Variants in THRA observed in about 807,000 individuals in gnomAD.
THRA encodes thyroid hormone receptor alpha, also known as EAR-7.
THRA carries 13 observed loss-of-function variants against 45.0 expected under a neutral mutation model. The observed-to-expected ratio is 0.29, with a 90% CI of 0.19 to 0.46. The LOEUF (loss-of-function observed/expected upper bound fraction) is 0.46. Ranked by LOEUF, THRA falls within the 20% of genes least tolerant of loss-of-function variation. The pLI, the probability that THRA is intolerant of heterozygous loss-of-function variation, is 1.00. For missense variants in THRA, 278 were observed against 556.1 expected, an observed-to-expected ratio of 0.50 and a Z score of 5.03; for synonymous variants, 195 against 214.0, an observed-to-expected ratio of 0.91 and a Z score of 0.78.
At chr17:40,062,248 G>C (rs1986382490), upstream of THRA, 2 of 152,242 alleles carry the variant, frequency 1.3e-5, no homozygotes, top group Admixed American at 1.3e-4. Context: ...CCTATATGGA[G>C]AAGGGTGACG....
chr17:40,062,956 C>T (rs1353010291), upstream of THRA: 6 of 150,796 alleles, frequency 4.0e-5, no homozygotes, highest in South Asian at 2.1e-4. Flanking sequence ...CCCCGCCCCC[C>T]CCGCGCTCAC....
downstream of THRA, chr17:40,093,173 G>A: frequency 6.2e-7 from 1 of 1,614,008 alleles, no homozygotes; most frequent in Non-Finnish European, 8.5e-7. The surrounding 1 kb of genome is among the most constrained non-coding windows in gnomAD (Gnocchi z 5.9). Context: ...GCAGCTTGGT[G>A]AAGCGGGAAG....
In THRA at chr17:40,089,629, C is replaced by G; in HGVS notation, c.*173C>G. 1 of 1,433,862 alleles carries G rather than the reference C, an allele frequency of 7.0e-7. No individual in the cohort carries two copies. Among genetic ancestry groups the G allele is most frequent in the Non-Finnish European group, 9.1e-7 (1 of 1,098,758 alleles). The allele number at this position is 1,433,862 out of a possible 1,614,324, so 88.8% of individuals were successfully genotyped here. On this transcript the variant is annotated 3_prime_UTR_variant, in exon 9 of 9. Coordinates refer to ENST00000450525, the MANE Select transcript of THRA (RefSeq NM_199334.5). This position sits in a 1 kb window ranked among gnomAD's most constrained non-coding sequence, Gnocchi z 6.1. ...ACTGCCCAGGTCCCTCCTCAGACCT[C>G]CAGCCCTGGGACAGGGCAAACAACT... is the stretch of plus-strand genomic sequence containing the variant.
chr17:40,078,135 A>G (rs1203363198), intron 4 of THRA, among the ~76,000 whole-genome samples: 1 of 152,180 alleles, frequency 6.6e-6, no homozygotes, highest in Admixed American at 6.5e-5. Flanking sequence ...TCTACCTTAT[A>G]GCATTGTTGG....
chr17:40,089,663 T>C lies in THRA; in HGVS notation c.*207T>C, dbSNP rs1987463188. The C allele has an allele frequency of 2.1e-6, 3 of 1,413,830 alleles. No individual in the cohort carries two copies. The highest frequency in any genetic ancestry group is 1.8e-6 in the Non-Finnish European group (2 of 1,085,986). 87.6% of individuals were successfully genotyped at this position (1,413,830 alleles called of 1,614,324 possible). A position where few individuals can be genotyped will look rare whatever the true frequency, so the allele number is the denominator to read the frequency against. ...GGACAGGGCAAACAACTGAACTTGC[T>C]ATGGAAAGGACAGTGTGGGAGGCTG... On this transcript the variant is annotated 3_prime_UTR_variant, in exon 9 of 9. Transcript: ENST00000450525. This position sits in a 1 kb window ranked among gnomAD's most constrained non-coding sequence, Gnocchi z 6.1.
chr17:40,072,071 G>T, intron 1 of THRA: 1 of 152,558 alleles, frequency 6.6e-6, no homozygotes, highest in Non-Finnish European at 1.5e-5. Context: ...GCACGTGCAG[G>T]CCCTTGGCAG....
At position 40,089,315 on chromosome 17, in the gene THRA, G is replaced by T; in HGVS notation, c.1092G>T (p.Trp364Cys). 6.2e-7 allele frequency: 1 copy of T among 1,614,082 alleles called. No individual in the cohort carries two copies. Among genetic ancestry groups the T allele is most frequent in the Non-Finnish European group, 8.5e-7 (1 of 1,180,018 alleles). Residue 364 changes from tryptophan to cysteine, a missense_variant, in exon 9 of 9, where the codon TGG (tryptophan) becomes TGT (cysteine). Physicochemically the swap from Trp to Cys is radical, Grantham distance 215 (BLOSUM62 -2). Transcript: ENST00000450525. This position sits in a 1 kb window ranked among gnomAD's most constrained non-coding sequence, Gnocchi z 6.1. ...GCAAACACAACATTCCGCACTTCTG[G>T]CCCAAGCTGCTGATGAAGGTGACTG... ...NHRKHNIPHFWPKLLMKVTDL... is the reference protein window; with the variant it reads ...NHRKHNIPHFCPKLLMKVTDL...
In THRA at chr17:40,089,161, G is replaced by T; in HGVS notation, c.983-45G>T. The T allele has an allele frequency of 6.3e-7, 1 of 1,591,932 alleles. No individual in the cohort carries two copies. Among genetic ancestry groups the T allele is most frequent in the East Asian group, 2.2e-5 (1 of 44,576 alleles). On this transcript the variant is annotated intron_variant, in intron 8 of 8. Transcript: ENST00000450525. This position sits in a 1 kb window ranked among gnomAD's most constrained non-coding sequence, Gnocchi z 6.1. ...CACACCTCACCCTCCCCATCTCCAG[G>T]CCTTCGGCCAGCCCCTCGCCCCTCA...
chr17:40,083,968 G>A lies in THRA; in HGVS notation c.356G>A (p.Gly119Asp). Residue 119 changes from glycine to aspartate, a missense_variant, in exon 5 of 9, where the codon GGC becomes GAC. Physicochemically the swap from Gly to Asp is moderately conservative, Grantham distance 94 (BLOSUM62 -1). This residue lies in a region of THRA where 111 missense variants were observed against 167.1 expected (regional missense o/e 0.66). Transcript: ENST00000450525. ...LCRFKKCIAV[G>D]MAMDLVLDDS... ...CGCTTCAAGAAGTGCATCGCCGTGGGCATGGCCATGGACTGTAAGGGGCCC... is the reference window on the plus strand; with the variant it reads ...CGCTTCAAGAAGTGCATCGCCGTGGACATGGCCATGGACTGTAAGGGGCCC... 2 of 1,613,234 alleles carry A rather than the reference G, an allele frequency of 1.2e-6. No homozygotes were observed. The highest frequency in any genetic ancestry group is 1.7e-6 in the Non-Finnish European group (2 of 1,179,506).
rs557486645 is a variant in THRA, at chr17:40,070,062, C to A, written c.-297-4130C>A. ...GATCCTTTGTTTAAGTAACCAATCT[C>A]CCCCTTATGAGGATCCCCACCCCAT... On this transcript the variant is annotated intron_variant, in intron 1 of 8. Transcript: ENST00000450525. Among the ~76,000 whole-genome samples the A allele has an allele frequency of 2.4e-4, 36 of 152,106 alleles. No individual in the cohort carries two copies. The South Asian group carries it at 3.7e-3, about 16-fold the overall frequency.
At chr17:40,071,699 G>A (rs1454398542) in intron 1 of THRA, among the ~76,000 whole-genome samples, 1 of 152,210 alleles carries the variant, frequency 6.6e-6, no homozygotes, top group African/African-American at 2.4e-5. Context: ...GAGGAGGGGT[G>A]AGAGGCTGCC....
chr17:40,065,126 G>A lies in THRA; in HGVS notation c.-298+2034G>A, dbSNP rs147019138. Among the ~76,000 whole-genome samples, 874 of 151,988 alleles carry A rather than the reference G, an allele frequency of 5.8e-3. 9 individuals are homozygous for A. The highest frequency in any genetic ancestry group is 0.02 in the African/African-American group (849 of 41,420). ...GGGTTCAGGGGGGTTCCAGAGGGCCGAGTCATGGGCTCAAAGCAGTGTCCA... is the reference window on the plus strand; with the variant it reads ...GGGTTCAGGGGGGTTCCAGAGGGCCAAGTCATGGGCTCAAAGCAGTGTCCA... On this transcript the variant is annotated intron_variant, in intron 1 of 8. Transcript: ENST00000450525.
intron 1 of THRA, among the ~76,000 whole-genome samples, chr17:40,073,516 C>T (rs1986848489): frequency 6.6e-6 from 1 of 152,142 alleles, no homozygotes; most frequent in African/African-American, 2.4e-5. Context: ...CTTTCCTTTC[C>T]CCCTTGCCAT....
intron 2 of THRA, 63 bp downstream of exon 2, chr17:40,074,604 G>A (rs1986886518): frequency 1.3e-6 from 2 of 1,589,590 alleles, no homozygotes; most frequent in Non-Finnish European, 1.7e-6. Context: ...ACCTGGCTGA[G>A]CTCTCCTTTA....
downstream of THRA, chr17:40,093,262 A>C (rs749240897): frequency 1.2e-6 from 2 of 1,613,692 alleles, no homozygotes; most frequent in Non-Finnish European, 1.7e-6. This position sits in a 1 kb window ranked among gnomAD's most constrained non-coding sequence, Gnocchi z 5.9. Context: ...ACCGAAGCGG[A>C]ATTCTCCATG....
At chr17:40,084,281 G>A (rs1353851412) in intron 5 of THRA, among the ~76,000 whole-genome samples, 1 of 152,172 alleles carries the variant, frequency 6.6e-6, no homozygotes, top group East Asian at 1.9e-4. Context: ...TTGACTCCCA[G>A]CGAAGGCACC....
chr17:40,084,064 ACCCTCAGAG>A, intron 5 of THRA, 82 bp downstream of exon 5: 2 of 1,484,486 alleles, frequency 1.3e-6, no homozygotes, highest in Non-Finnish European at 9.0e-7. Context: ...CTTCCAGGGT[ACCCTCAGAG>A]CCCACAGGGC....
chr17:40,068,454 G>A (rs1233104489), intron 1 of THRA, among the ~76,000 whole-genome samples: 1 of 152,238 alleles, frequency 6.6e-6, no homozygotes, highest in East Asian at 1.9e-4. Flanking sequence ...CTGGTGTGTG[G>A]TGGGGGCACA....
At chr17:40,063,914 G>A (rs1230276203) in intron 1 of THRA, among the ~76,000 whole-genome samples, 1 of 151,918 alleles carries the variant, frequency 6.6e-6, no homozygotes, top group Non-Finnish European at 1.5e-5. Context: ...CCGTTCCAGG[G>A]GTGGGGGTGG....
Sources: allele counts gnomAD v4.1 joint callset (sites outside exome capture counted in the v4.1 genomes callset), GRCh38; gene constraint gnomAD v4.1.1; regional missense constraint gnomAD v4.1.1; non-coding constraint Gnocchi (gnomAD v3.1); transcripts MANE v1.5; gene names NCBI Gene and HGNC (gene_info 2026-07-23, HGNC 2026-07-21).